SFMBT2: variants seen among roughly 807,000 people sequenced by gnomAD.
The protein encoded by SFMBT2 is Scm like with four mbt domains 2.
A neutral mutation model predicts 110.1 loss-of-function variants in SFMBT2; 38 were observed. The ratio of observed to expected loss-of-function variants is 0.35; its 90% CI spans 0.27 to 0.45. The LOEUF (loss-of-function observed/expected upper bound fraction) is 0.45. SFMBT2 is among the 20% of genes least tolerant of loss of function. The pLI, the probability that SFMBT2 is intolerant of heterozygous loss-of-function variation, is 1.00. For synonymous variants in SFMBT2, 425 were observed against 425.4 expected (o/e 1.00, Z 0.01); for missense variants, 1,011 against 1,094.9 (o/e 0.92, Z 1.08).
chr10:7,322,081 T>G (rs1343511751), intron 4 of SFMBT2, among the ~76,000 whole-genome samples: 1 of 152,262 alleles, frequency 6.6e-6, no homozygotes, highest in Non-Finnish European at 1.5e-5. Context: ...AAATCTCACC[T>G]TGAATTGTAA....
At chr10:7,174,433 G>A (rs896220392) in intron 17 of SFMBT2, among the ~76,000 whole-genome samples, 2 of 152,330 alleles carry the variant, frequency 1.3e-5, no homozygotes. Flanking sequence ...GAGACTGGGT[G>A]ACCCCTGCTT....
intron 4 of SFMBT2, among the ~76,000 whole-genome samples, chr10:7,318,851 T>A (rs1843090407): frequency 6.6e-6 from 1 of 152,150 alleles, no homozygotes; most frequent in African/African-American, 2.4e-5. Context: ...ATTCCTCAAA[T>A]CCTCATGAAA....
chr10:7,316,633 T>C (rs890300221), intron 4 of SFMBT2, among the ~76,000 whole-genome samples: 2 of 152,220 alleles, frequency 1.3e-5, no homozygotes, highest in Admixed American at 6.5e-5. Context: ...TCAAGCCCTC[T>C]GTTCAGCTCT....
chr10:7,405,819 G>A (rs1477290288), intron 1 of SFMBT2, among the ~76,000 whole-genome samples: 9 of 126,248 alleles, frequency 7.1e-5, no homozygotes, highest in South Asian at 5.8e-4. Flanking sequence ...CACTAGGCCC[G>A]ATTCCCCCCC....
intron 4 of SFMBT2, among the ~76,000 whole-genome samples, chr10:7,354,800 T>G (rs1844446466): frequency 1.3e-5 from 2 of 152,152 alleles, no homozygotes; most frequent in African/African-American, 4.8e-5. Context: ...CTTCATAATG[T>G]CAATCAAAAA....
intron 4 of SFMBT2, among the ~76,000 whole-genome samples, chr10:7,315,024 GAGAAAGAAAGAAAGAGAAAGAAAGAA>G (rs1842953649): frequency 7.7e-5 from 9 of 117,376 alleles, no homozygotes; most frequent in Admixed American, 3.6e-4. Flanking sequence ...AGAAAAGAGA[GAGAAAGAAAGAAAGAGAAAGAAAGAA>G]AGAAAGAAAG....
At chr10:7,274,425 G>A (rs1363783085) in intron 7 of SFMBT2, among the ~76,000 whole-genome samples, 11 of 152,154 alleles carry the variant, frequency 7.2e-5, no homozygotes, top group East Asian at 1.9e-4. Flanking sequence ...TTGTGGGGAC[G>A]TAATTGAATC....
At chr10:7,389,929 C>T (rs1221662442) in intron 1 of SFMBT2, among the ~76,000 whole-genome samples, 1 of 152,188 alleles carries the variant, frequency 6.6e-6, no homozygotes, top group Non-Finnish European at 1.5e-5. Flanking sequence ...GAGGTATAGT[C>T]AAAGAATAGA....
In SFMBT2 at chr10:7,367,816, G is replaced by A. The variant is rs552898914; in HGVS notation, c.269C>T (p.Thr90Met). ...LEVANKNNPD[T>M]YWVATIITTC... Reference sequence around the variant, plus strand: ...GGTAATGATCGTGGCCACCCAGTACGTGTCCGGGTTGTTCTTATTAGCCAC... The same window carrying A: ...GGTAATGATCGTGGCCACCCAGTACATGTCCGGGTTGTTCTTATTAGCCAC... The change falls in exon 4 of 21, where the codon ACG becomes ATG. Residue 90 changes from threonine to methionine, a missense_variant. By Grantham distance (81) the Thr-to-Met change is moderately conservative. Coordinates refer to ENST00000397167, the MANE Select transcript of SFMBT2 (RefSeq NM_001387889.1). The surrounding 1 kb of genome is among the most constrained non-coding windows in gnomAD (Gnocchi z 6.2). 19 of 1,614,196 alleles carry A rather than the reference G, an allele frequency of 1.2e-5. No homozygotes were observed. Among genetic ancestry groups the A allele is most frequent in the East Asian group, 2.2e-5 (1 of 44,882 alleles).
chr10:7,171,279 G>T lies in SFMBT2; in HGVS notation c.2416-223C>A. 1 of 780,502 alleles carries T rather than the reference G, an allele frequency of 1.3e-6. No homozygotes were observed. The highest frequency in any genetic ancestry group is 1.6e-6 in the Non-Finnish European group (1 of 642,870). The allele number at this position is 780,502 out of a possible 1,614,324, so 48.3% of individuals were successfully genotyped here. A position where few individuals can be genotyped will look rare whatever the true frequency, so the allele number is the denominator to read the frequency against. On this transcript the variant is annotated intron_variant, in intron 19 of 20. Coordinates refer to ENST00000397167, the MANE Select transcript of SFMBT2 (RefSeq NM_001387889.1). This position sits in a 1 kb window ranked among gnomAD's most constrained non-coding sequence, Gnocchi z 4.9. ...ACTCATGTGCCTTCAGATGGAAGAA[G>T]GCAGGCACAGTGACAGTCGCTCTTG...
At chr10:7,341,897 T>G (rs931205083) in intron 4 of SFMBT2, among the ~76,000 whole-genome samples, 5 of 152,158 alleles carry the variant, frequency 3.3e-5, no homozygotes, top group African/African-American at 1.2e-4. Context: ...AATAAAAAGT[T>G]TTCAAAGCAG....
At chr10:7,218,504 C>T (rs1839616723) in intron 11 of SFMBT2, among the ~76,000 whole-genome samples, 1 of 152,194 alleles carries the variant, frequency 6.6e-6, no homozygotes, top group Non-Finnish European at 1.5e-5. Flanking sequence ...ACAGATAAGA[C>T]TCAACAGACT....
rs1255666795 is a variant in SFMBT2 at position 7,408,275 on chromosome 10, C to T, written c.-52+2586G>A. Among the ~76,000 whole-genome samples the T allele has an allele frequency of 2.0e-5, 3 of 152,208 alleles. No individual in the cohort carries two copies. Among genetic ancestry groups the T allele is most frequent in the East Asian group, 1.9e-4 (1 of 5,172 alleles). On this transcript the variant is annotated intron_variant, in intron 1 of 20. Coordinates refer to ENST00000397167, the MANE Select transcript of SFMBT2 (RefSeq NM_001387889.1). The surrounding 1 kb of genome is among the most constrained non-coding windows in gnomAD (Gnocchi z 5.7). ...AGGCTGGAGGAGCCACGGACGCGTC[C>T]TGGCCGGCGTGTCGCCATCGTTCAG...
intron 4 of SFMBT2, among the ~76,000 whole-genome samples, chr10:7,335,041 T>G (rs1027974826): frequency 6.6e-6 from 1 of 152,114 alleles, no homozygotes; most frequent in African/African-American, 2.4e-5. Flanking sequence ...GGAAAAGGAA[T>G]CTATTTGGGG....
At chr10:7,310,390 C>T (rs973054254) in intron 4 of SFMBT2, among the ~76,000 whole-genome samples, 1 of 152,220 alleles carries the variant, frequency 6.6e-6, no homozygotes, top group Non-Finnish European at 1.5e-5. Context: ...TAGTGCACCC[C>T]GTGCCCAAGG....
At chr10:7,309,682 C>T (rs960072997) in intron 4 of SFMBT2, among the ~76,000 whole-genome samples, 1 of 152,176 alleles carries the variant, frequency 6.6e-6, no homozygotes, top group Non-Finnish European at 1.5e-5. Flanking sequence ...TGTTACTTAC[C>T]CTACTACATT....
chr10:7,186,602 G>A (rs1838420375), intron 16 of SFMBT2, among the ~76,000 whole-genome samples: 1 of 152,076 alleles, frequency 6.6e-6, no homozygotes, highest in East Asian at 1.9e-4. Flanking sequence ...GAGCCACCAC[G>A]CCTGGCCTGG....
At chr10:7,405,448 G>C (rs1423729753) in intron 1 of SFMBT2, among the ~76,000 whole-genome samples, 1 of 152,178 alleles carries the variant, frequency 6.6e-6, no homozygotes, top group Admixed American at 6.5e-5. Context: ...CTTTTCCAGA[G>C]CACAGATGAA....
intron 16 of SFMBT2, among the ~76,000 whole-genome samples, chr10:7,186,828 G>A (rs1264047953): frequency 6.6e-6 from 1 of 152,208 alleles, no homozygotes; most frequent in African/African-American, 2.4e-5. Context: ...GAGAGCTCCC[G>A]CTGACTGTAA....
Sources: allele counts gnomAD v4.1 joint callset (sites outside exome capture counted in the v4.1 genomes callset), GRCh38; gene constraint gnomAD v4.1.1; non-coding constraint Gnocchi (gnomAD v3.1); transcripts MANE v1.5; gene names NCBI Gene and HGNC (gene_info 2026-07-23, HGNC 2026-07-21).